ZNF177: variants seen among roughly 807,000 people sequenced by gnomAD.
ZNF177 encodes zinc finger protein 177.
A neutral mutation model predicts 19.4 loss-of-function variants in ZNF177; 17 were observed. That is an observed-to-expected ratio of 0.87 (90% CI 0.60 to 1.31). The LOEUF (loss-of-function observed/expected upper bound fraction) is 1.31. Ranked by LOEUF, ZNF177 falls within the 40% of genes most tolerant of loss-of-function variation. The pLI, the probability that ZNF177 is intolerant of heterozygous loss-of-function variation, is 0.00. For missense variants in ZNF177, 633 were observed against 561.8 expected, an observed-to-expected ratio of 1.13 and a Z score of -1.28; for synonymous variants, 220 against 188.7, an observed-to-expected ratio of 1.17 and a Z score of -1.36.
chr19:9,381,081 T>C (rs1444542073), exon 6 of ZNF177: 2 of 1,610,970 alleles, frequency 1.2e-6, no homozygotes, highest in Non-Finnish European at 1.7e-6. Context: ...CAAAAACTGG[T>C]AGTGTGGAGG....
At chr19:9,370,685 G>T (rs1354114152) in intron 2 of ZNF177, among the ~76,000 whole-genome samples, 2 of 152,138 alleles carry the variant, frequency 1.3e-5, no homozygotes, top group African/African-American at 4.8e-5. Flanking sequence ...GCTTTCCAAA[G>T]TGCTGGGATT....
intron 4 of ZNF177, 110 bp downstream of exon 6, chr19:9,379,729 C>T (rs1438427737): frequency 1.6e-6 from 2 of 1,280,866 alleles, no homozygotes; most frequent in Admixed American, 2.6e-5. Context: ...GAGCTTCCTT[C>T]CTGTTTCACC....
chr19:9,381,932 T>A (rs2068209756), exon 6 of ZNF177: 2 of 1,150,228 alleles, frequency 1.7e-6, no homozygotes, highest in African/African-American at 3.1e-5. Context: ...ATGTTATAGC[T>A]ATGATTGTTT....
At chr19:9,365,931 CT>C (rs2067972955) in intron 2 of ZNF177, among the ~76,000 whole-genome samples, 1 of 152,162 alleles carries the variant, frequency 6.6e-6, no homozygotes, top group Non-Finnish European at 1.5e-5. Context: ...ATAGGTGGAT[CT>C]TTCTCACAGA....
Position 9,381,594 on chromosome 19 carries a change from GA to G in ZNF177, c.1267del (p.Thr423ProfsTer17), listed in dbSNP as rs1307900318. 6.2e-7 allele frequency: 1 copy of G among 1,614,152 alleles called. No homozygotes were observed. Among genetic ancestry groups the G allele is most frequent in the Non-Finnish European group, 8.5e-7 (1 of 1,180,012 alleles). Reference sequence around the variant, plus strand: ...TGCACAAGAGAACTCACACTGGTGAGAAAACCTATGAGTGTAAAGAATGTGG... The same window carrying G: ...TGCACAAGAGAACTCACACTGGTGAGAAACCTATGAGTGTAAAGAATGTGG... On this transcript the variant is annotated frameshift_variant, in exon 6 of 6. Coordinates refer to ENST00000589262, the Ensembl canonical transcript of ZNF177. LOFTEE classifies it low-confidence loss of function (END_TRUNC).
In ZNF177 at chr19:9,379,104, T is replaced by C. The variant is rs778104819; in HGVS notation, c.160+16T>C. Reference sequence around the variant, plus strand: ...GCCTCAGTAGGTAAGGCTGGCCTCATTTCTTCATTTGTTTATGTAGCAAAT... The same window carrying C: ...GCCTCAGTAGGTAAGGCTGGCCTCACTTCTTCATTTGTTTATGTAGCAAAT... On this transcript the variant is annotated intron_variant, in intron 3 of 5. Transcript: ENST00000589262. 7 of 1,587,354 alleles carry C rather than the reference T, an allele frequency of 4.4e-6. No homozygotes were observed. The East Asian group carries it at 1.6e-4, about 36-fold the overall frequency.
chr19:9,368,551 TTCA>T (rs1251443484), intron 2 of ZNF177, among the ~76,000 whole-genome samples: 4 of 152,168 alleles, frequency 2.6e-5, no homozygotes, highest in Non-Finnish European at 5.9e-5. Flanking sequence ...TGTTTTCTAG[TTCA>T]TCATCGTATT....
At chr19:9,378,395 G>A (rs560562127) in intron 2 of ZNF177, 51 bp downstream of exon 4, 2 of 1,610,978 alleles carry the variant, frequency 1.2e-6, no homozygotes, top group Non-Finnish European at 1.7e-6. Context: ...TTCCTGAAAA[G>A]AACACATCTC....
chr19:9,363,215 A>T (rs1387114535), intron 1 of ZNF177, 131 bp downstream of exon 1: 1 of 152,392 alleles, frequency 6.6e-6, no homozygotes, highest in Non-Finnish European at 1.5e-5. Flanking sequence ...GTTTCTTCTC[A>T]GAGGCCGCCG....
At chr19:9,376,154 A>G (rs552231620), upstream of ZNF177, among the ~76,000 whole-genome samples, 1 of 152,150 alleles carries the variant, frequency 6.6e-6, no homozygotes, top group African/African-American at 2.4e-5. Flanking sequence ...TTTTTTGTTT[A>G]AGGAGATAGG....
chr19:9,366,734 A>C (rs560681459), intron 2 of ZNF177, among the ~76,000 whole-genome samples: 146 of 152,240 alleles, frequency 9.6e-4, no homozygotes, highest in South Asian at 1.7e-3. Context: ...TCATGAGACG[A>C]ACTTTTATGT....
At chr19:9,381,059 T>G in exon 6 of ZNF177, 1 of 1,607,066 alleles carries the variant, frequency 6.2e-7, no homozygotes, top group South Asian at 1.1e-5. Flanking sequence ...ATATCTCCCC[T>G]TAGTGTCCAC....
At chr19:9,379,391 GA>G in intron 3 of ZNF177, 135 bp from the exon 6 acceptor site, 1 of 1,278,540 alleles carries the variant, frequency 7.8e-7, no homozygotes, top group South Asian at 1.6e-5. Flanking sequence ...GCTCGGCTCT[GA>G]TTGTTTTGTT....
upstream of ZNF177, among the ~76,000 whole-genome samples, chr19:9,372,893 A>G (rs772910096): frequency 6.6e-6 from 1 of 152,094 alleles, no homozygotes; most frequent in Non-Finnish European, 1.5e-5. Context: ...TTGAGGTATA[A>G]TTGACAAATA....
intron 2 of ZNF177, among the ~76,000 whole-genome samples, chr19:9,366,144 G>A (rs1026598984): frequency 1.3e-5 from 2 of 152,094 alleles, no homozygotes; most frequent in Non-Finnish European, 2.9e-5. Context: ...CACCACACCC[G>A]GCTAATTTTT....
chr19:9,373,023 T>C (rs760140259), upstream of ZNF177, among the ~76,000 whole-genome samples: 1 of 152,244 alleles, frequency 6.6e-6, no homozygotes, highest in Non-Finnish European at 1.5e-5. Flanking sequence ...TTTTGTAAGA[T>C]GCACTCTCTT....
exon 4 of ZNF177, chr19:9,379,613 T>G: frequency 6.2e-7 from 1 of 1,613,682 alleles, no homozygotes; most frequent in South Asian, 1.1e-5. Context: ...ACAAGGTGAC[T>G]GTGCAGGTGA....
chr19:9,379,206 C>T, intron 3 of ZNF177, 118 bp downstream of exon 5: 3 of 1,430,158 alleles, frequency 2.1e-6, no homozygotes, highest in Non-Finnish European at 2.8e-6. Flanking sequence ...AATGAATGGT[C>T]CCTGCCCTTG....
chr19:9,365,258 G>A (rs1055084223), intron 2 of ZNF177, among the ~76,000 whole-genome samples: 1 of 152,024 alleles, frequency 6.6e-6, no homozygotes, highest in African/African-American at 2.4e-5. Context: ...AAGAACACAG[G>A]CTAAGGGAGA....
Sources: allele counts gnomAD v4.1 joint callset (sites outside exome capture counted in the v4.1 genomes callset), GRCh38; gene constraint gnomAD v4.1.1; transcripts MANE v1.5; gene names NCBI Gene and HGNC (gene_info 2026-07-23, HGNC 2026-07-21).